The following PPP4R2 variants were observed in gnomAD, a reference collection of about 807,000 sequenced individuals.
The protein encoded by PPP4R2 is protein phosphatase 4 regulatory subunit 2.
PPP4R2 carries 13 observed loss-of-function variants against 47.2 expected under a neutral mutation model. The ratio of observed to expected loss-of-function variants is 0.28; its 90% confidence interval spans 0.18 to 0.44. The LOEUF is 0.44. Among genes scored for constraint, PPP4R2 ranks in the 20% least tolerant of loss-of-function variants. The probability of loss-of-function intolerance (pLI) is 1.00; values close to 1 mark genes in which losing one functional copy is unlikely to be tolerated. For synonymous variants in PPP4R2, 151 were observed against 163.3 expected (o/e 0.92, Z 0.57); for missense variants, 421 against 491.2 (o/e 0.86, Z 1.35).
intron 2 of PPP4R2, among the ~76,000 whole-genome samples, chr3:73,001,595 C>T (rs1701459644): frequency 6.6e-6 from 1 of 152,068 alleles, no homozygotes. Flanking sequence ...TGCACACTTG[C>T]ACACTTATGT....
intron 2 of PPP4R2, among the ~76,000 whole-genome samples, chr3:73,032,619 CTAGT>C (rs554039002): frequency 2.0e-5 from 3 of 152,216 alleles, no homozygotes; most frequent in Non-Finnish European, 4.4e-5. Flanking sequence ...AGTCTTTTTA[CTAGT>C]TACTTTTTCT....
At chr3:73,016,019 G>A (rs36010877) in intron 2 of PPP4R2, 67,816 of 177,598 alleles carry the variant, frequency 0.38, 13,481 homozygotes, top group African/African-American at 0.44. Context: ...TGCCTGCTTC[G>A]GCCTCCCAAA....
intron 2 of PPP4R2, among the ~76,000 whole-genome samples, chr3:73,017,121 A>T (rs574330505): frequency 1.3e-5 from 2 of 152,060 alleles, no homozygotes; most frequent in Non-Finnish European, 2.9e-5. Flanking sequence ...GATATGGCCT[A>T]TGTTGCTTAG....
chr3:72,997,346 A>G (rs988738053), intron 1 of PPP4R2: 23 of 337,138 alleles, frequency 6.8e-5, no homozygotes, highest in Non-Finnish European at 1.1e-4. Context: ...CCACCCGTTC[A>G]GGGGACGAGT....
chr3:73,062,995 CTG>C (rs1702902493), intron 5 of PPP4R2: 1 of 1,083,798 alleles, frequency 9.2e-7, no homozygotes, highest in African/African-American at 1.6e-5. Context: ...GCCATTGTGT[CTG>C]AGATCCCAGT....
Position 72,997,135 on chromosome 3 carries a change from A to T in PPP4R2, c.34+64A>T. 5 of 1,245,660 alleles carry T rather than the reference A, an allele frequency of 4.0e-6. No homozygotes were observed. In the South Asian group the frequency reaches 1.3e-4, roughly 32 times the overall value. The allele number at this position is 1,245,660 out of a possible 1,614,324, so 77.2% of individuals were successfully genotyped here. Reference sequence around the variant, plus strand: ...CTCCGGCTCGCTCTTCTCTCCTTTCAGGGCGGATGGTTCCGAGGACCGGGG... The same window carrying T: ...CTCCGGCTCGCTCTTCTCTCCTTTCTGGGCGGATGGTTCCGAGGACCGGGG... On this transcript the variant is annotated intron_variant, in intron 1 of 8. Transcript: ENST00000356692.
At chr3:73,045,628 T>G (rs1018117537) in intron 2 of PPP4R2, among the ~76,000 whole-genome samples, 2 of 150,718 alleles carry the variant, frequency 1.3e-5, no homozygotes, top group African/African-American at 4.9e-5. Context: ...TCAGTTCAAG[T>G]GATTCTCCTT....
At chr3:73,050,773 T>C (rs1702594792) in intron 3 of PPP4R2, among the ~76,000 whole-genome samples, 1 of 152,230 alleles carries the variant, frequency 6.6e-6, no homozygotes, top group East Asian at 1.9e-4. Flanking sequence ...ATGTGAATAA[T>C]AGGTTTTTAT....
At chr3:73,019,244 A>G (rs980176971) in intron 2 of PPP4R2, among the ~76,000 whole-genome samples, 1 of 152,130 alleles carries the variant, frequency 6.6e-6, no homozygotes, top group African/African-American at 2.4e-5. Flanking sequence ...GTGTAAGTGC[A>G]CTCTGTGATG....
chr3:73,063,937 CAACATA>C, intron 6 of PPP4R2, 60 bp from the exon 7 acceptor site: 2 of 1,425,330 alleles, frequency 1.4e-6, no homozygotes, highest in East Asian at 2.3e-5. Flanking sequence ...GTATTCACAT[CAACATA>C]CCTTAAGAGG....
chr3:72,996,860 C>G lies in PPP4R2; in HGVS notation c.-178C>G. 2.4e-6 allele frequency: 1 copy of G among 411,922 alleles called. No individual in the cohort carries two copies. The highest frequency in any genetic ancestry group is 4.3e-6 in the Non-Finnish European group (1 of 231,440). 25.5% of individuals were successfully genotyped at this position (411,922 alleles called of 1,614,324 possible). A position where few individuals can be genotyped will look rare whatever the true frequency, so the allele number is the denominator to read the frequency against. On this transcript the variant is annotated 5_prime_UTR_variant, in exon 1 of 9. Transcript: ENST00000356692. Reference sequence around the variant, plus strand: ...GTAGCGGCTTGGGGAGGTGCTCGCTCTGTCGGTCTTGCTCTCTCGCACGCT... The same window carrying G: ...GTAGCGGCTTGGGGAGGTGCTCGCTGTGTCGGTCTTGCTCTCTCGCACGCT...
At chr3:73,006,919 C>T (rs1460942837) in intron 2 of PPP4R2, among the ~76,000 whole-genome samples, 1 of 140,840 alleles carries the variant, frequency 7.1e-6, no homozygotes, top group Non-Finnish European at 1.5e-5. Context: ...GGTCATGTGA[C>T]TATCAGTTTT....
intron 5 of PPP4R2, chr3:73,062,573 T>C (rs2231925): frequency 6.2e-7 from 1 of 1,614,028 alleles, no homozygotes; most frequent in Middle Eastern, 1.7e-4. Context: ...GTACTCCTTA[T>C]GCTAGCAGAT....
At chr3:73,006,026 G>A (rs1402803067) in intron 2 of PPP4R2, among the ~76,000 whole-genome samples, 3 of 152,002 alleles carry the variant, frequency 2.0e-5, no homozygotes, top group African/African-American at 4.8e-5. Context: ...CCCTGTGTGT[G>A]CTGCCTTCCC....
At chr3:73,017,520 T>C (rs1701866960) in intron 2 of PPP4R2, among the ~76,000 whole-genome samples, 1 of 152,000 alleles carries the variant, frequency 6.6e-6, no homozygotes, top group African/African-American at 2.4e-5. Context: ...ATGCTGTCCT[T>C]GAAAGGGAAG....
intron 3 of PPP4R2, among the ~76,000 whole-genome samples, chr3:73,055,388 G>C (rs1702710322): frequency 6.7e-6 from 1 of 149,244 alleles, no homozygotes; most frequent in Non-Finnish European, 1.5e-5. Flanking sequence ...GGTAAATTCA[G>C]TTTTGAGTAA....
chr3:73,065,317 A>G, intron 8 of PPP4R2, 80 bp from the exon 9 acceptor site: 1 of 1,400,972 alleles, frequency 7.1e-7, no homozygotes, highest in Non-Finnish European at 9.6e-7. Flanking sequence ...TGAACTATAG[A>G]ATATCAGAAT....
In PPP4R2 at chr3:73,068,403, CTT is replaced by C. The variant is rs1689729559; in HGVS notation, c.*2684_*2685del. On this transcript the variant is annotated 3_prime_UTR_variant, in exon 9 of 9. Coordinates refer to ENST00000356692, the MANE Select transcript of PPP4R2 (RefSeq NM_174907.4). ...ATATATATGTATTATGTTTCTAGCA[CTT>C]TTCCCTTTTAAAAAGTGAAAATATC... 7.9e-5 allele frequency: 12 copies of C among 152,224 alleles called. 2 individuals carry two copies. The South Asian group carries it at 2.3e-3, about 29-fold the overall frequency. 9.4% of individuals were successfully genotyped at this position (152,224 alleles called of 1,614,324 possible).
At chr3:73,036,583 G>A (rs1192745300) in intron 2 of PPP4R2, among the ~76,000 whole-genome samples, 9 of 152,168 alleles carry the variant, frequency 5.9e-5, no homozygotes, top group Non-Finnish European at 8.8e-5. Flanking sequence ...CCCAGGAAGC[G>A]TTAATTCATT....
Sources: gnomAD v4.1 joint callset for allele counts (sites outside exome capture counted in the v4.1 genomes callset) on GRCh38, gnomAD v4.1.1 for gene constraint, MANE v1.5 for transcripts, NCBI Gene and HGNC (gene_info 2026-07-23, HGNC 2026-07-21) for gene names.